Variants in MARCHF7 observed in about 807,000 individuals in gnomAD.
MARCHF7 encodes the protein membrane associated ring-CH-type finger 7, also known as E3 ubiquitin-protein ligase MARCHF7.
In MARCHF7, 20 loss-of-function variants were observed where a neutral mutation model predicts 76.5. The observed-to-expected ratio is 0.26, with a 90% CI of 0.18 to 0.38. The LOEUF (loss-of-function observed/expected upper bound fraction) is 0.38, where lower values mean the gene tolerates loss of function less well. MARCHF7 is among the 10% of genes least tolerant of loss of function. The probability of loss-of-function intolerance (pLI) is 1.00; values close to 1 mark genes in which losing one functional copy is unlikely to be tolerated. For synonymous variants in MARCHF7, 295 were observed against 293.0 expected (o/e 1.01, Z -0.07); for missense variants, 797 against 812.9 (o/e 0.98, Z 0.24).
At position 159,760,185 on chromosome 2, in the gene MARCHF7, T is replaced by C. The variant is rs925035396; in HGVS notation, c.1893+850T>C. Reference sequence around the variant, plus strand: ...GGATTTACTTATCCTGGATATTTCATACAAATAGAATCATACATTAATATA... The same window carrying C: ...GGATTTACTTATCCTGGATATTTCACACAAATAGAATCATACATTAATATA... On this transcript the variant is annotated intron_variant, in intron 9 of 11. Coordinates refer to ENST00000409175, the MANE Select transcript of MARCHF7 (RefSeq NM_001282805.2). Among the ~76,000 whole-genome samples, 74 of 152,210 alleles carry C rather than the reference T, an allele frequency of 4.9e-4. 1 individual carries two copies. The highest frequency in any genetic ancestry group is 1.5e-5 in the Non-Finnish European group (1 of 68,016).
At chr2:159,751,639 C>T (rs1001115462) in intron 7 of MARCHF7, among the ~76,000 whole-genome samples, 3 of 152,136 alleles carry the variant, frequency 2.0e-5, no homozygotes, top group Admixed American at 6.5e-5. Context: ...TTCTGTATTA[C>T]CAATTTACTG....
intron 1 of MARCHF7, among the ~76,000 whole-genome samples, chr2:159,713,311 C>G (rs10176457): frequency 0.042 from 6,346 of 152,190 alleles, 428 homozygotes; most frequent in African/African-American, 0.14. Flanking sequence ...TTTGGTGAAA[C>G]TGCGTATTGA....
intron 3 of MARCHF7, among the ~76,000 whole-genome samples, chr2:159,727,297 G>A (rs1266758476): frequency 6.6e-6 from 1 of 152,076 alleles, no homozygotes; most frequent in Non-Finnish European, 1.5e-5. Context: ...TATTTTAAAA[G>A]CTTTTTAAGG....
At chr2:159,746,688 A>G (rs763885971) in intron 6 of MARCHF7, among the ~76,000 whole-genome samples, 2 of 152,224 alleles carry the variant, frequency 1.3e-5, no homozygotes, top group Non-Finnish European at 2.9e-5. Flanking sequence ...GGTATGAGCC[A>G]CTGCACACAG....
chr2:159,716,285 GGATAT>G (rs1701027844), intron 3 of MARCHF7, among the ~76,000 whole-genome samples: 2 of 150,982 alleles, frequency 1.3e-5, no homozygotes, highest in Non-Finnish European at 2.9e-5. Context: ...TTTAAGAAAA[GGATAT>G]GCAAAGTATA....
At chr2:159,743,302 A>G in intron 5 of MARCHF7, 49 bp downstream of exon 5, 1 of 1,530,062 alleles carries the variant, frequency 6.5e-7, no homozygotes, top group Non-Finnish European at 8.9e-7. Context: ...CTCCAGGTGT[A>G]ACACAGTTGT....
chr2:159,735,959 C>A (rs187912133), intron 4 of MARCHF7, among the ~76,000 whole-genome samples: 1 of 152,240 alleles, frequency 6.6e-6, no homozygotes, highest in Admixed American at 6.5e-5. Flanking sequence ...GATAGCCCAT[C>A]TCTAAAAAAA....
intron 9 of MARCHF7, among the ~76,000 whole-genome samples, chr2:159,760,085 C>T (rs1706847743): frequency 6.6e-6 from 1 of 152,178 alleles, no homozygotes; most frequent in Non-Finnish European, 1.5e-5. Context: ...CAAAAGAAAA[C>T]CCTCTACCCA....
intron 3 of MARCHF7, among the ~76,000 whole-genome samples, chr2:159,719,354 A>G (rs1365483455): frequency 6.6e-6 from 1 of 151,866 alleles, no homozygotes; most frequent in African/African-American, 2.4e-5. Flanking sequence ...TTCAAAACCA[A>G]CTAATCTTGG....
In MARCHF7 at chr2:159,748,018, C is replaced by A; in HGVS notation, c.728C>A (p.Ser243Tyr). 1 of 1,614,164 alleles carries A rather than the reference C, an allele frequency of 6.2e-7. No individual in the cohort carries two copies. Among genetic ancestry groups the A allele is most frequent in the Admixed American group, 1.7e-5 (1 of 60,014 alleles). The change falls in exon 7 of 12, where the codon TCT becomes TAT. Residue 243 changes from serine to tyrosine, a missense_variant. Ser to Tyr is a moderately radical substitution (Grantham distance 144). Transcript: ENST00000409175. The part of the protein sequence containing the change: ...SSRSNTQPGF[S>Y]YSSSRDEAPI... The stretch of plus-strand genomic sequence containing the variant: ...CGAAGCAATACGCAGCCTGGATTTT[C>A]TTACAGTTCAAGTAGAGATGAAGCC...
intron 3 of MARCHF7, among the ~76,000 whole-genome samples, chr2:159,720,499 A>G (rs6432553): frequency 0.35 from 52,483 of 151,950 alleles, 9,258 homozygotes; most frequent in South Asian, 0.44. Flanking sequence ...ATTCAAACAC[A>G]CTAAGCATAG....
At chr2:159,751,052 AAGAGATTT>A (rs1705586316) in intron 7 of MARCHF7, among the ~76,000 whole-genome samples, 1 of 152,148 alleles carries the variant, frequency 6.6e-6, no homozygotes, top group Admixed American at 6.5e-5. Flanking sequence ...TTTTTGTAGA[AAGAGATTT>A]ACTCTACCCT....
chr2:159,730,457 AAAAAC>A (rs762515343), intron 4 of MARCHF7, among the ~76,000 whole-genome samples: 103 of 152,352 alleles, frequency 6.8e-4, no homozygotes, highest in African/African-American at 2.0e-3. Flanking sequence ...GACTGAAGTA[AAAAAC>A]AAAACAAAAC....
At position 159,761,402 on chromosome 2, in the gene MARCHF7, A is replaced by ATTT. The variant is rs1437341788; in HGVS notation, c.1894-1477_1894-1475dup. ...AGCAACAATAATTATTAAGTGAATC[A>ATTT]TTTCTTTTTTTTTTTTTTTTTTTTT... On this transcript the variant is annotated intron_variant, in intron 9 of 11. Coordinates refer to ENST00000409175, the MANE Select transcript of MARCHF7 (RefSeq NM_001282805.2). Among the ~76,000 whole-genome samples, 16 of 68,416 alleles carry ATTT rather than the reference A, an allele frequency of 2.3e-4. 1 individual carries two copies. Among genetic ancestry groups the ATTT allele is most frequent in the African/African-American group, 5.2e-4 (10 of 19,392 alleles). 44.9% of individuals were successfully genotyped at this position (68,416 alleles called of 152,430 possible). A position where few individuals can be genotyped will look rare whatever the true frequency, so the allele number is the denominator to read the frequency against.
chr2:159,719,441 T>C (rs1206222813), intron 3 of MARCHF7, among the ~76,000 whole-genome samples: 2 of 152,172 alleles, frequency 1.3e-5, no homozygotes, highest in Non-Finnish European at 2.9e-5. Flanking sequence ...AAATGTTTGT[T>C]CTTCATCAGT....
In MARCHF7 at chr2:159,752,590, T is replaced by G; in HGVS notation, c.1783+19T>G. On this transcript the variant is annotated intron_variant, in intron 8 of 11. Transcript: ENST00000409175. ...AACTCTGGTAAGATTTACCCTTTTG[T>G]GTTTTCACAATTTTTCTAAGAGATG... 2 of 1,446,680 alleles carry G rather than the reference T, an allele frequency of 1.4e-6. No homozygotes were observed. Among genetic ancestry groups the G allele is most frequent in the South Asian group, 3.0e-5 (2 of 65,814 alleles). 89.6% of individuals were successfully genotyped at this position (1,446,680 alleles called of 1,614,324 possible).
At chr2:159,732,419 T>C (rs1250363124) in intron 4 of MARCHF7, among the ~76,000 whole-genome samples, 1 of 152,176 alleles carries the variant, frequency 6.6e-6, no homozygotes, top group East Asian at 1.9e-4. Flanking sequence ...TTTTTAATGG[T>C]ATGGGAGCAG....
chr2:159,767,900 G>C lies in MARCHF7; in HGVS notation c.*558G>C, dbSNP rs1447415342. 6.6e-6 allele frequency: 1 copy of C among 152,438 alleles called. No homozygotes were observed. Among genetic ancestry groups the C allele is most frequent in the Non-Finnish European group, 1.5e-5 (1 of 67,964 alleles). The allele number at this position is 152,438 out of a possible 1,614,324, so 9.4% of individuals were successfully genotyped here. ...ATTATTAAGTTTCCAAATTTAATTTGAATTCCAAATTCACCTAGCAATAAA... is the reference window on the plus strand; with the variant it reads ...ATTATTAAGTTTCCAAATTTAATTTCAATTCCAAATTCACCTAGCAATAAA... On this transcript the variant is annotated 3_prime_UTR_variant, in exon 12 of 12. Coordinates refer to ENST00000409175, the MANE Select transcript of MARCHF7 (RefSeq NM_001282805.2).
rs764341662 is a variant in MARCHF7 at position 159,748,622 on chromosome 2, T to C, written c.1332T>C (p.Ala444=). ...CACAGAATGATCCTCTTGGAGCTGC[T>C]GCCAACAGACCACAAGCATCTGCAG... ...LEAQNDPLGA[A]ANRPQASAAS... The change falls in exon 7 of 12, where the codon GCT becomes GCC. Residue 444 remains alanine, a synonymous_variant. Coordinates refer to ENST00000409175, the MANE Select transcript of MARCHF7 (RefSeq NM_001282805.2). The C allele has an allele frequency of 2.8e-5, 46 of 1,614,112 alleles. No individual in the cohort carries two copies. Among genetic ancestry groups the C allele is most frequent in the Non-Finnish European group, 3.9e-5 (46 of 1,180,052 alleles).
Sources: allele counts gnomAD v4.1 joint callset (sites outside exome capture counted in the v4.1 genomes callset), GRCh38; gene constraint gnomAD v4.1.1; transcripts MANE v1.5; gene names NCBI Gene and HGNC (gene_info 2026-07-23, HGNC 2026-07-21).